The following SLC24A2 variants were observed in gnomAD, a reference collection of about 807,000 sequenced individuals.
The protein encoded by SLC24A2 is sodium/potassium/calcium exchanger 2.
Under a neutral mutation model 62.0 loss-of-function variants are expected in SLC24A2, and 36 were observed. The observed-to-expected ratio is 0.58, with a 90% CI of 0.44 to 0.77. SLC24A2 has a LOEUF of 0.77. Ranked by LOEUF, SLC24A2 falls within the 30% of genes least tolerant of loss-of-function variation. The pLI is 0.00. For missense variants in SLC24A2, 846 were observed against 817.9 expected (o/e 1.03, Z -0.42); for synonymous variants, 358 against 294.0 (o/e 1.22, Z -2.23).
chr9:19,830,870 T>C, the SLC24A2 span, among the ~76,000 whole-genome samples: 1 of 152,284 alleles, frequency 6.6e-6, no homozygotes, highest in South Asian at 2.1e-4. Flanking sequence ...TTATAAGCAA[T>C]AGAAATATAT....
chr9:20,018,285 T>C, the SLC24A2 span, among the ~76,000 whole-genome samples: 256 of 152,340 alleles, frequency 1.7e-3, no homozygotes, highest in African/African-American at 6.1e-3. Flanking sequence ...TGACACTCAA[T>C]ATTAACCATC....
chr9:19,739,088 T>C lies in SLC24A2; in HGVS notation c.930+46849A>G, dbSNP rs568570307. 4.1e-4 allele frequency among the ~76,000 whole-genome samples: 63 copies of C among 152,246 alleles called. No homozygotes were observed. The Middle Eastern group carries it at 0.02, about 49-fold the overall frequency. ...GCCGAGATCGTGCCACTGCACTCCA[T>C]CCGGGGTGACAGAGTGAGACTCTGT... On this transcript the variant is annotated intron_variant, in intron 2 of 10. Transcript: ENST00000341998.
chr9:19,855,046 C>T, the SLC24A2 span, among the ~76,000 whole-genome samples: 30 of 151,918 alleles, frequency 2.0e-4, no homozygotes, highest in Non-Finnish European at 3.8e-4. Flanking sequence ...TTATGTAATG[C>T]CCTCCTTTGT....
At chr9:19,890,097 C>T in the SLC24A2 span, among the ~76,000 whole-genome samples, 1 of 152,174 alleles carries the variant, frequency 6.6e-6, no homozygotes, top group Non-Finnish European at 1.5e-5. Flanking sequence ...AAGTTGCACA[C>T]CCGTCTCTTT....
At chr9:20,090,454 G>C in the SLC24A2 span, among the ~76,000 whole-genome samples, 1 of 152,266 alleles carries the variant, frequency 6.6e-6, no homozygotes, top group African/African-American at 2.4e-5. Flanking sequence ...CATTGAGAGG[G>C]AGCACGATTG....
chr9:19,907,345 C>T, the SLC24A2 span, among the ~76,000 whole-genome samples: 3 of 152,148 alleles, frequency 2.0e-5, no homozygotes, highest in Non-Finnish European at 2.9e-5. Flanking sequence ...TAAGAGCTAT[C>T]TATGACAAAC....
chr9:19,772,372 A>T (rs1041901763), intron 2 of SLC24A2, among the ~76,000 whole-genome samples: 1 of 152,232 alleles, frequency 6.6e-6, no homozygotes, highest in Admixed American at 6.5e-5. Context: ...AAAACAAGAT[A>T]GAACAGCTTG....
At chr9:19,832,527 T>C in the SLC24A2 span, among the ~76,000 whole-genome samples, 5 of 152,202 alleles carry the variant, frequency 3.3e-5, no homozygotes, top group Non-Finnish European at 5.9e-5. Context: ...CTGGGAAAAC[T>C]GGCTAGCCAT....
chr9:19,713,993 C>A (rs1307607936), intron 2 of SLC24A2, among the ~76,000 whole-genome samples: 1 of 152,222 alleles, frequency 6.6e-6, no homozygotes, highest in Non-Finnish European at 1.5e-5. Context: ...CTGGATCTAG[C>A]CAATTATTAA....
the SLC24A2 span, among the ~76,000 whole-genome samples, chr9:19,983,025 A>T: frequency 1.3e-5 from 2 of 152,192 alleles, no homozygotes; most frequent in Non-Finnish European, 2.9e-5. Flanking sequence ...ATGATAAAGG[A>T]CACTTATGAA....
At chr9:19,869,440 C>T in the SLC24A2 span, among the ~76,000 whole-genome samples, 92,408 of 152,016 alleles carry the variant, frequency 0.61, 28,673 homozygotes, top group Non-Finnish European at 0.64. Context: ...TCTTTGTCCT[C>T]CAGTAGTCTG....
chr9:20,153,394 G>C, the SLC24A2 span, among the ~76,000 whole-genome samples: 1 of 151,776 alleles, frequency 6.6e-6, no homozygotes, highest in South Asian at 2.1e-4. Flanking sequence ...AAAAGCATAA[G>C]AGAAAAAAGA....
intron 2 of SLC24A2, among the ~76,000 whole-genome samples, chr9:19,775,880 C>T (rs1822830999): frequency 6.6e-6 from 1 of 152,150 alleles, no homozygotes; most frequent in Non-Finnish European, 1.5e-5. Context: ...TACAGCTTTG[C>T]AGGGCAGCCC....
the SLC24A2 span, among the ~76,000 whole-genome samples, chr9:19,956,063 A>G: frequency 7.9e-5 from 12 of 152,218 alleles, no homozygotes; most frequent in Admixed American, 2.0e-4. Context: ...GCTGCAGGAC[A>G]AAGTGATCCC....
chr9:19,622,630 G>A (rs767264176), intron 2 of SLC24A2, among the ~76,000 whole-genome samples: 4 of 152,028 alleles, frequency 2.6e-5, no homozygotes, highest in Non-Finnish European at 4.4e-5. Flanking sequence ...TAATTCACAT[G>A]TTCTGACATG....
rs943832925 is a variant in SLC24A2, at chr9:19,512,663, T to G, written c.*3490A>C. 6.6e-6 allele frequency: 1 copy of G among 152,086 alleles called. No individual in the cohort carries two copies. Among genetic ancestry groups the G allele is most frequent in the Non-Finnish European group, 1.5e-5 (1 of 68,012 alleles). The allele number at this position is 152,086 out of a possible 1,614,324, so 9.4% of individuals were successfully genotyped here. ...GCTGCCTTGGAAGTATGGGGGAGGG[T>G]AGGCGGTGACAGCAAGCAAGACCTG... On this transcript the variant is annotated 3_prime_UTR_variant, in exon 11 of 11. Coordinates refer to ENST00000341998, the MANE Select transcript of SLC24A2 (RefSeq NM_020344.4).
the SLC24A2 span, among the ~76,000 whole-genome samples, chr9:20,289,623 CA>C: frequency 6.6e-6 from 1 of 152,322 alleles, no homozygotes; most frequent in Non-Finnish European, 1.5e-5. Context: ...AAGACAAAGT[CA>C]GGCCCAGAGT....
At chr9:20,258,421 C>T in the SLC24A2 span, among the ~76,000 whole-genome samples, 1 of 152,158 alleles carries the variant, frequency 6.6e-6, no homozygotes, top group Admixed American at 6.6e-5. Context: ...GGTCAGTGGA[C>T]TAAGTGAGGA....
intron 2 of SLC24A2, among the ~76,000 whole-genome samples, chr9:19,743,822 A>C (rs773800547): frequency 3.9e-5 from 6 of 152,134 alleles, no homozygotes; most frequent in Non-Finnish European, 8.8e-5. Context: ...TAGATACTCT[A>C]CAGAAGGATG....
Sources: gnomAD v4.1 joint callset for allele counts (sites outside exome capture counted in the v4.1 genomes callset) on GRCh38, gnomAD v4.1.1 for gene constraint, MANE v1.5 for transcripts, NCBI Gene and HGNC (gene_info 2026-07-23, HGNC 2026-07-21) for gene names.